Variants in SNTG1 observed in about 807,000 individuals in gnomAD.
SNTG1 encodes the protein gamma-1-syntrophin.
In SNTG1, 39 loss-of-function variants were observed where a neutral mutation model predicts 74.7. The ratio of observed to expected loss-of-function variants is 0.52; its 90% CI spans 0.40 to 0.68. The LOEUF (loss-of-function observed/expected upper bound fraction) is 0.68. SNTG1 is among the 30% of genes least tolerant of loss of function. SNTG1 has a pLI of 0.00. For synonymous variants in SNTG1, 254 were observed against 217.1 expected (o/e 1.17, Z -1.49); for missense variants, 685 against 609.5 (o/e 1.12, Z -1.30).
chr8:50,101,510 T>C (rs1019912747), intron 1 of SNTG1, among the ~76,000 whole-genome samples: 4 of 152,118 alleles, frequency 2.6e-5, no homozygotes, highest in Admixed American at 2.6e-4. Context: ...GGTTTTGATA[T>C]GCATTTCCTA....
intron 8 of SNTG1, among the ~76,000 whole-genome samples, chr8:50,491,939 C>T (rs991539252): frequency 2.0e-5 from 3 of 147,234 alleles, no homozygotes; most frequent in East Asian, 2.1e-4. Flanking sequence ...CCTATGTCCA[C>T]GTGTCCTCAC....
rs59699839 is a variant in SNTG1, at chr8:50,076,950, A to G, written c.-102-95611A>G. On this transcript the variant is annotated intron_variant, in intron 1 of 18. Transcript: ENST00000642720. Reference sequence around the variant, plus strand: ...TAAATGGGTAAAATACAAAACAGGAAGTATAGTTGTCAGTGACACAAACTT... The same window carrying G: ...TAAATGGGTAAAATACAAAACAGGAGGTATAGTTGTCAGTGACACAAACTT... Among the ~76,000 whole-genome samples, 1,272 of 152,306 alleles carry G rather than the reference A, an allele frequency of 8.4e-3. 25 individuals carry two copies. The highest frequency in any genetic ancestry group is 0.029 in the African/African-American group (1,201 of 41,566).
In SNTG1 at chr8:49,933,107, C is replaced by T. The variant is rs1340277425; in HGVS notation, c.-103+20876C>T. 5.3e-5 allele frequency among the ~76,000 whole-genome samples: 8 copies of T among 152,060 alleles called. No individual in the cohort carries two copies. In the South Asian group the frequency reaches 6.2e-4, roughly 12 times the overall value. On this transcript the variant is annotated intron_variant, in intron 1 of 18. Transcript: ENST00000642720. ...ATTCATGTGCAAGTTTTTATGTGAA[C>T]GTATGTTTTCAATTTTTTTGGATAT...
At position 50,438,421 on chromosome 8, in the gene SNTG1, A is replaced by T; in HGVS notation, c.163-122A>T. On this transcript the variant is annotated intron_variant, in intron 4 of 18. Coordinates refer to ENST00000642720, the MANE Select transcript of SNTG1 (RefSeq NM_018967.5). The stretch of plus-strand genomic sequence containing the variant: ...TGGAGGCACTATCCCAGCACAGAAG[A>T]GTTCTCTTTTGTTTTAAAGAGCAAA... The T allele has an allele frequency of 4.3e-6, 3 of 705,292 alleles. No homozygotes were observed. In the South Asian group the frequency reaches 5.1e-5, roughly 12 times the overall value. 43.7% of individuals were successfully genotyped at this position (705,292 alleles called of 1,614,324 possible).
At chr8:50,204,677 G>A (rs59222409) in intron 2 of SNTG1, among the ~76,000 whole-genome samples, 17,319 of 151,842 alleles carry the variant, frequency 0.11, 2,772 homozygotes, top group African/African-American at 0.36. Flanking sequence ...CTGTTAACTC[G>A]TCATTTACAT....
At chr8:50,256,239 C>T (rs1312465490) in intron 2 of SNTG1, among the ~76,000 whole-genome samples, 1 of 151,848 alleles carries the variant, frequency 6.6e-6, no homozygotes, top group African/African-American at 2.4e-5. Context: ...CTTTGTAACA[C>T]CCACAGGGCC....
intron 1 of SNTG1, among the ~76,000 whole-genome samples, chr8:50,111,691 T>A (rs2080597891): frequency 6.6e-6 from 1 of 152,148 alleles, no homozygotes; most frequent in African/African-American, 2.4e-5. Context: ...CAAGTGGAAC[T>A]GCATCAGTAT....
chr8:49,942,952 AG>A (rs1244595100), intron 1 of SNTG1, among the ~76,000 whole-genome samples: 1 of 152,092 alleles, frequency 6.6e-6, no homozygotes, highest in Non-Finnish European at 1.5e-5. Context: ...TCATCTCTTG[AG>A]GGTTTATTAT....
chr8:50,357,793 C>T (rs1373796887), intron 2 of SNTG1, among the ~76,000 whole-genome samples: 1 of 152,084 alleles, frequency 6.6e-6, no homozygotes, highest in East Asian at 1.9e-4. Context: ...TGTTACTTTA[C>T]AAATGATGAA....
chr8:50,478,723 G>A (rs1461087610), intron 8 of SNTG1, among the ~76,000 whole-genome samples: 1 of 152,058 alleles, frequency 6.6e-6, no homozygotes, highest in Non-Finnish European at 1.5e-5. Context: ...TAAATGTTGG[G>A]TATGTTCTGG....
intron 1 of SNTG1, among the ~76,000 whole-genome samples, chr8:49,950,838 C>A (rs1022874182): frequency 1.3e-5 from 2 of 152,218 alleles, no homozygotes; most frequent in African/African-American, 4.8e-5. Flanking sequence ...CAGCTCTCCT[C>A]TACTTCTCAC....
chr8:50,515,908 C>T (rs6989101), intron 9 of SNTG1, among the ~76,000 whole-genome samples: 5,974 of 152,034 alleles, frequency 0.039, 405 homozygotes, highest in African/African-American at 0.14. Flanking sequence ...TGCCTGCCGG[C>T]TCTGAATGGA....
chr8:50,772,315 T>C (rs1324639562), intron 18 of SNTG1, among the ~76,000 whole-genome samples: 1 of 152,130 alleles, frequency 6.6e-6, no homozygotes, highest in African/African-American at 2.4e-5. Flanking sequence ...AGATATGAAG[T>C]AAAATAAAAT....
chr8:50,085,277 G>A (rs1370417374), intron 1 of SNTG1, among the ~76,000 whole-genome samples: 1 of 151,746 alleles, frequency 6.6e-6, no homozygotes, highest in African/African-American at 2.4e-5. Flanking sequence ...ATCAGTAACT[G>A]ACAACTCCAT....
chr8:50,073,045 A>G (rs1821513775), intron 1 of SNTG1, among the ~76,000 whole-genome samples: 1 of 152,052 alleles, frequency 6.6e-6, no homozygotes, highest in Non-Finnish European at 1.5e-5. Flanking sequence ...GGGTGGGGCA[A>G]TTTTCTAAAA....
chr8:50,239,682 G>A (rs909949615), intron 2 of SNTG1, among the ~76,000 whole-genome samples: 1 of 152,170 alleles, frequency 6.6e-6, no homozygotes, highest in Non-Finnish European at 1.5e-5. Flanking sequence ...GCAGTGTGTG[G>A]TTCAGGCTTC....
chr8:50,352,836 A>G lies in SNTG1; in HGVS notation c.-27-41376A>G, dbSNP rs192326194. 5.3e-5 allele frequency among the ~76,000 whole-genome samples: 8 copies of G among 152,330 alleles called. No individual in the cohort carries two copies. In the East Asian group the frequency reaches 1.5e-3, roughly 29 times the overall value. ...AAGAACATTTTTCAACCATTTTGGA[A>G]GACAGTGTGTCAATTCCTTAGGGAT... On this transcript the variant is annotated intron_variant, in intron 2 of 18. Coordinates refer to ENST00000642720, the MANE Select transcript of SNTG1 (RefSeq NM_018967.5).
In SNTG1 at chr8:50,076,971, A is replaced by G. The variant is rs186602196; in HGVS notation, c.-102-95590A>G. On this transcript the variant is annotated intron_variant, in intron 1 of 18. Transcript: ENST00000642720. The stretch of plus-strand genomic sequence containing the variant: ...AGGAAGTATAGTTGTCAGTGACACA[A>G]ACTTTTCAATTTCAGTACAATGGAT... Among the ~76,000 whole-genome samples the G allele has an allele frequency of 3.4e-4, 52 of 152,320 alleles. No homozygotes were observed. The East Asian group carries it at 9.1e-3, about 27-fold the overall frequency.
intron 13 of SNTG1, among the ~76,000 whole-genome samples, chr8:50,603,971 G>A (rs1012621250): frequency 1.3e-5 from 2 of 152,100 alleles, no homozygotes; most frequent in African/African-American, 4.8e-5. Flanking sequence ...TCACTACCTG[G>A]CTACCACCTA....
Sources: allele counts gnomAD v4.1 joint callset (sites outside exome capture counted in the v4.1 genomes callset), GRCh38; gene constraint gnomAD v4.1.1; transcripts MANE v1.5; gene names NCBI Gene and HGNC (gene_info 2026-07-23, HGNC 2026-07-21).